B3GALT1: variants seen among roughly 807,000 people sequenced by gnomAD.
B3GALT1 encodes beta-1,3-galactosyltransferase 1, also known as UDP-Gal:betaGlcNAc beta 1,3-galactosyltransferase, polypeptide 1.
Under a neutral mutation model 23.2 loss-of-function variants are expected in B3GALT1, and 10 were observed. The ratio of observed to expected loss-of-function variants is 0.43; its 90% CI spans 0.27 to 0.73. The LOEUF is 0.73. B3GALT1 is among the 30% of genes least tolerant of loss of function. The pLI is 0.21. For synonymous variants in B3GALT1, 156 were observed against 141.5 expected, an observed-to-expected ratio of 1.10 and a Z score of -0.73; for missense variants, 299 against 405.4, an observed-to-expected ratio of 0.74 and a Z score of 2.25.
chr2:167,362,006 G>A lies in B3GALT1; in HGVS notation c.-511+68672G>A, dbSNP rs530646010. Among the ~76,000 whole-genome samples, 18 of 152,126 alleles carry A rather than the reference G, an allele frequency of 1.2e-4. 1 individual carries two copies. The South Asian group carries it at 1.9e-3, about 16-fold the overall frequency. On this transcript the variant is annotated intron_variant, in intron 1 of 4. Coordinates refer to ENST00000392690, the MANE Select transcript of B3GALT1 (RefSeq NM_020981.4). ...GGAGAATCGATTGAACCCGGGAGGC[G>A]GAGCTTGCAGTGAGCCGTGATCACA... is the stretch of plus-strand genomic sequence containing the variant.
At chr2:167,582,842 G>A (rs559673979) in intron 2 of B3GALT1, among the ~76,000 whole-genome samples, 17 of 152,210 alleles carry the variant, frequency 1.1e-4, no homozygotes, top group South Asian at 4.1e-4. Context: ...TCAAGGCCCC[G>A]CACTGATCCT....
At position 167,872,465 on chromosome 2, in the gene B3GALT1, C is replaced by T. The variant is rs988573473; in HGVS notation, c.*2445C>T. 38 of 152,094 alleles carry T rather than the reference C, an allele frequency of 2.5e-4. No homozygotes were observed. The highest frequency in any genetic ancestry group is 9.2e-4 in the African/African-American group (38 of 41,404). 9.4% of individuals were successfully genotyped at this position (152,094 alleles called of 1,614,324 possible). On this transcript the variant is annotated 3_prime_UTR_variant, in exon 5 of 5. Transcript: ENST00000392690. ...GATGGATCAGCACAAGGTGAACCACCCTCCAACCTGCAGCCTCAACTGCTG... is the reference window on the plus strand; with the variant it reads ...GATGGATCAGCACAAGGTGAACCACTCTCCAACCTGCAGCCTCAACTGCTG...
chr2:167,840,246 C>T (rs1260520149), intron 4 of B3GALT1, among the ~76,000 whole-genome samples: 7 of 151,788 alleles, frequency 4.6e-5, no homozygotes, highest in South Asian at 2.1e-4. Flanking sequence ...ACAGGCAACC[C>T]ACAAAATGGG....
At chr2:167,516,034 T>C (rs375922318) in intron 2 of B3GALT1, among the ~76,000 whole-genome samples, 6 of 152,158 alleles carry the variant, frequency 3.9e-5, no homozygotes, top group East Asian at 3.9e-4. Context: ...AAATTTACCA[T>C]CATTTTAAAT....
intron 3 of B3GALT1, among the ~76,000 whole-genome samples, chr2:167,817,743 A>AACTT (rs1212331561): frequency 2.6e-5 from 4 of 152,098 alleles, no homozygotes; most frequent in Non-Finnish European, 4.4e-5. Flanking sequence ...CATTACCCAG[A>AACTT]ACTTACTCTA....
intron 1 of B3GALT1, among the ~76,000 whole-genome samples, chr2:167,316,441 AAAG>A (rs776431059): frequency 6.6e-6 from 1 of 152,058 alleles, no homozygotes; most frequent in Non-Finnish European, 1.5e-5. Context: ...CCTGCTATCT[AAAG>A]AAGAGTGGTA....
At chr2:167,647,607 CTCTT>C (rs1229861386) in intron 3 of B3GALT1, among the ~76,000 whole-genome samples, 2 of 152,134 alleles carry the variant, frequency 1.3e-5, no homozygotes, top group Admixed American at 1.3e-4. Context: ...CCTGGATTCT[CTCTT>C]TACTTCCTGT....
intron 4 of B3GALT1, among the ~76,000 whole-genome samples, chr2:167,853,596 A>T (rs2105420154): frequency 6.6e-6 from 1 of 152,284 alleles, no homozygotes; most frequent in Admixed American, 6.5e-5. Flanking sequence ...TAGTGGGATT[A>T]TCAAATATGA....
At chr2:167,375,238 G>C (rs2689833) in intron 1 of B3GALT1, among the ~76,000 whole-genome samples, 122,899 of 152,022 alleles carry the variant, frequency 0.81, 51,453 homozygotes, top group East Asian at 0.92. Flanking sequence ...TTTGGTTACT[G>C]TCGACTTATA....
chr2:167,632,774 TTGC>T (rs1685473669), intron 2 of B3GALT1, among the ~76,000 whole-genome samples: 1 of 152,124 alleles, frequency 6.6e-6, no homozygotes, highest in Non-Finnish European at 1.5e-5. Flanking sequence ...ATAGTTTCTT[TTGC>T]TGTGCAGAAG....
intron 1 of B3GALT1, among the ~76,000 whole-genome samples, chr2:167,333,060 G>A (rs941802790): frequency 4.7e-4 from 72 of 152,180 alleles, no homozygotes; most frequent in African/African-American, 1.7e-3. Context: ...TCTAGGTAAT[G>A]ATGGCAAATT....
chr2:167,412,314 T>A (rs1411324011), intron 1 of B3GALT1, among the ~76,000 whole-genome samples: 1 of 152,062 alleles, frequency 6.6e-6, no homozygotes, highest in Non-Finnish European at 1.5e-5. Flanking sequence ...AGTAAAAAAG[T>A]CTAGCCAGAG....
Position 167,539,176 on chromosome 2 carries a change from C to T in B3GALT1, c.-410+48899C>T, listed in dbSNP as rs1683489167. ...TTAAACTCATATGAATTATGTTATG[C>T]TCTACTTTTTCCCCAATAGTGTAAA... On this transcript the variant is annotated intron_variant, in intron 2 of 4. Transcript: ENST00000392690. Among the ~76,000 whole-genome samples the T allele has an allele frequency of 2.6e-5, 4 of 152,072 alleles. No individual in the cohort carries two copies. In the South Asian group the frequency reaches 6.2e-4, roughly 24 times the overall value.
Position 167,604,486 on chromosome 2 carries a change from T to C in B3GALT1, c.-409-42423T>C, listed in dbSNP as rs77880048. The stretch of plus-strand genomic sequence containing the variant: ...CACTTTGTTTTGTAGATTACTATAA[T>C]TTTCATTCACTTGTGTTCTGGGGAA... On this transcript the variant is annotated intron_variant, in intron 2 of 4. Transcript: ENST00000392690. 9.5e-3 allele frequency among the ~76,000 whole-genome samples: 1,448 copies of C among 152,336 alleles called. 15 individuals carry two copies. Among genetic ancestry groups the C allele is most frequent in the South Asian group, 0.035 (171 of 4,826 alleles).
At chr2:167,356,701 G>A (rs1434140051) in intron 1 of B3GALT1, among the ~76,000 whole-genome samples, 2 of 151,878 alleles carry the variant, frequency 1.3e-5, no homozygotes, top group African/African-American at 4.8e-5. Context: ...TGGCTTCAGG[G>A]TAAATGCTAA....
intron 1 of B3GALT1, among the ~76,000 whole-genome samples, chr2:167,415,967 T>C (rs945067571): frequency 6.6e-6 from 1 of 151,564 alleles, no homozygotes; most frequent in Non-Finnish European, 1.5e-5. Flanking sequence ...TAAAAAAAAA[T>C]GACTTAAAGA....
Position 167,512,639 on chromosome 2 carries a change from TATATATA to T in B3GALT1, c.-410+22363_-410+22369del, listed in dbSNP as rs1558887956. On this transcript the variant is annotated intron_variant, in intron 2 of 4. Transcript: ENST00000392690. Reference sequence around the variant, plus strand: ...ATATATACGTGTATATATATATACATATATATATATATTTTGAGATAGGGTCTCATTC... The same window carrying T: ...ATATATACGTGTATATATATATACATTATATTTTGAGATAGGGTCTCATTC... 3.0e-3 allele frequency among the ~76,000 whole-genome samples: 398 copies of T among 130,966 alleles called. 1 individual carries two copies. The highest frequency in any genetic ancestry group is 6.9e-3 in the Admixed American group (84 of 12,184). The allele number at this position is 130,966 out of a possible 152,430, so 85.9% of individuals were successfully genotyped here.
chr2:167,303,584 A>C (rs184382012), intron 1 of B3GALT1, among the ~76,000 whole-genome samples: 1 of 151,804 alleles, frequency 6.6e-6, no homozygotes, highest in Non-Finnish European at 1.5e-5. Flanking sequence ...AGGAAGGGCA[A>C]ATAGCTCTTT....
At chr2:167,687,690 T>C (rs1213544989) in intron 3 of B3GALT1, among the ~76,000 whole-genome samples, 1 of 152,152 alleles carries the variant, frequency 6.6e-6, no homozygotes, top group Non-Finnish European at 1.5e-5. Flanking sequence ...TTAAATCTGT[T>C]TCCTTCAAAA....
Sources: allele counts gnomAD v4.1 joint callset (sites outside exome capture counted in the v4.1 genomes callset), GRCh38; gene constraint gnomAD v4.1.1; transcripts MANE v1.5; gene names NCBI Gene and HGNC (gene_info 2026-07-23, HGNC 2026-07-21).